The following PUM1 variants were observed in gnomAD, a reference collection of about 807,000 sequenced individuals.
The protein encoded by PUM1 is pumilio homolog 1.
PUM1 carries 13 observed loss-of-function variants against 131.8 expected under a neutral mutation model. That is an observed-to-expected ratio of 0.10 (90% CI 0.06 to 0.16). The LOEUF is 0.16. Among genes scored for constraint, PUM1 ranks in the 10% least tolerant of loss-of-function variants. The pLI is 1.00. For missense variants in PUM1, 961 were observed against 1,512.4 expected, an observed-to-expected ratio of 0.64 and a Z score of 6.05; for synonymous variants, 509 against 556.5, an observed-to-expected ratio of 0.91 and a Z score of 1.20.
intron 3 of PUM1, among the ~76,000 whole-genome samples, chr1:31,009,596 G>A (rs568202701): frequency 9.9e-5 from 15 of 151,802 alleles, no homozygotes; most frequent in African/African-American, 3.1e-4. Context: ...CAAGATCCCC[G>A]TCTCTACTAA....
At chr1:30,956,897 T>C (rs1640187043) in intron 14 of PUM1, among the ~76,000 whole-genome samples, 1 of 152,208 alleles carries the variant, frequency 6.6e-6, no homozygotes, top group Non-Finnish European at 1.5e-5. Context: ...AATGCACTTA[T>C]TGTTTAAGCC....
intron 2 of PUM1, among the ~76,000 whole-genome samples, chr1:31,042,796 G>T (rs564220993): frequency 3.9e-5 from 6 of 152,158 alleles, no homozygotes; most frequent in Non-Finnish European, 7.3e-5. Flanking sequence ...ACAGGGTCTC[G>T]CTCTGTTGCC....
chr1:31,006,063 G>GTTGTTT, intron 4 of PUM1, 32 bp from the exon 5 acceptor site: 1 of 1,514,478 alleles, frequency 6.6e-7, no homozygotes, highest in Non-Finnish European at 8.9e-7. Context: ...ATGATACAGT[G>GTTGTTT]CAGCCAGAGG....
At chr1:30,951,977 T>C (rs1639953643) in intron 16 of PUM1, among the ~76,000 whole-genome samples, 1 of 152,238 alleles carries the variant, frequency 6.6e-6, no homozygotes, top group Admixed American at 6.5e-5. Context: ...AATAATGTGC[T>C]GGGTCCTAAA....
At chr1:31,057,018 C>T (rs2124600566) in intron 2 of PUM1, among the ~76,000 whole-genome samples, 1 of 152,238 alleles carries the variant, frequency 6.6e-6, no homozygotes, top group East Asian at 1.9e-4. Flanking sequence ...GTCTCAAACT[C>T]CTTACCTCAG....
chr1:30,953,689 TA>T, intron 15 of PUM1, 24 bp downstream of exon 15: 1 of 1,611,828 alleles, frequency 6.2e-7, no homozygotes, highest in Non-Finnish European at 8.5e-7. Flanking sequence ...TCGGGTACCT[TA>T]AAGTGCCAAA....
chr1:30,981,589 CTCTT>C (rs377272099), intron 7 of PUM1, among the ~76,000 whole-genome samples, 184 bp from the exon 8 acceptor site: 1 of 152,156 alleles, frequency 6.6e-6, no homozygotes, highest in African/African-American at 2.4e-5. Flanking sequence ...CTCCCTGTCT[CTCTT>C]TCTTTACTTC....
At chr1:30,962,973 A>T (rs753236258) in intron 14 of PUM1, among the ~76,000 whole-genome samples, 12 of 152,176 alleles carry the variant, frequency 7.9e-5, no homozygotes, top group Non-Finnish European at 1.5e-4. Context: ...ATATTTCTGG[A>T]TTTGGTAATG....
chr1:30,995,577 ACT>A (rs1301371034), intron 5 of PUM1, among the ~76,000 whole-genome samples: 1 of 151,658 alleles, frequency 6.6e-6, no homozygotes, highest in Non-Finnish European at 1.5e-5. Context: ...CCCAAACCTA[ACT>A]CTGTATAATA....
At chr1:30,998,013 C>A (rs191504358) in intron 5 of PUM1, among the ~76,000 whole-genome samples, 22 of 152,286 alleles carry the variant, frequency 1.4e-4, no homozygotes, top group Non-Finnish European at 3.1e-4. Flanking sequence ...TACAAAATAC[C>A]GGGTTTTCTA....
At chr1:30,972,259 AAAAGAAAAGAAG>A in intron 10 of PUM1, among the ~76,000 whole-genome samples, 1 of 35,908 alleles carries the variant, frequency 2.8e-5, no homozygotes, top group Non-Finnish European at 5.4e-5. Context: ...TGTCAGAAAG[AAAAGAAAAGAAG>A]GGAAGGGAAG....
chr1:31,024,597 CACT>C (rs1240744776), intron 3 of PUM1, among the ~76,000 whole-genome samples: 3 of 152,124 alleles, frequency 2.0e-5, no homozygotes. Flanking sequence ...AGCTAGTATT[CACT>C]ACTATTTTAA....
intron 16 of PUM1, among the ~76,000 whole-genome samples, chr1:30,951,220 G>A (rs2124411264): frequency 6.6e-6 from 1 of 152,272 alleles, no homozygotes; most frequent in East Asian, 1.9e-4. Context: ...TGTACATTTT[G>A]TCACCCCAAG....
intron 10 of PUM1, among the ~76,000 whole-genome samples, 161 bp from the exon 11 acceptor site, chr1:30,968,653 A>C (rs369382465): frequency 6.6e-6 from 1 of 152,214 alleles, no homozygotes; most frequent in East Asian, 1.9e-4. Flanking sequence ...AATTAATAAC[A>C]TTTCATAGAG....
chr1:30,981,381 C>T lies in PUM1; in HGVS notation c.1183G>A (p.Ala395Thr), dbSNP rs966870608. 1.2e-6 allele frequency: 2 copies of T among 1,604,084 alleles called. No homozygotes were observed. Among genetic ancestry groups the T allele is most frequent in the African/African-American group, 2.7e-5 (2 of 74,734 alleles). The change falls in exon 8 of 22, where the codon GCT (alanine) becomes ACT (threonine). Residue 395 changes from alanine (A) to threonine (T), a missense_variant. Physicochemically the swap from Ala to Thr is moderately conservative, Grantham distance 58 (BLOSUM62 0). Transcript: ENST00000426105. ...TGAGCAGCTGTCAACTGCTGGACAG[C>T]AAGCGCATTAGGTCTTTGGAACAGC... ...QQLFQRPNALAVQQLTAAQQQ... is the reference protein window; with the variant it reads ...QQLFQRPNALTVQQLTAAQQQ...
intron 3 of PUM1, among the ~76,000 whole-genome samples, chr1:31,022,937 G>A (rs1309561594): frequency 6.6e-6 from 1 of 152,144 alleles, no homozygotes; most frequent in East Asian, 1.9e-4. Flanking sequence ...GGGAGGCAGA[G>A]GCAGGTGGAT....
At chr1:31,023,967 T>C (rs1643130563) in intron 3 of PUM1, among the ~76,000 whole-genome samples, 1 of 148,062 alleles carries the variant, frequency 6.8e-6, no homozygotes, top group Non-Finnish European at 1.5e-5. Context: ...TTACAAAATC[T>C]CTAAATCACA....
intron 10 of PUM1, among the ~76,000 whole-genome samples, chr1:30,971,862 A>G (rs552932128): frequency 6.6e-6 from 1 of 152,350 alleles, no homozygotes; most frequent in South Asian, 2.1e-4. Flanking sequence ...AAAACATGGT[A>G]ATTACTTTAG....
intron 18 of PUM1, among the ~76,000 whole-genome samples, chr1:30,944,507 A>G (rs532773767): frequency 2.4e-4 from 36 of 152,370 alleles, no homozygotes; most frequent in Middle Eastern, 3.4e-3. Flanking sequence ...TGGAAGCTGA[A>G]GCTAAGAAGA....
Sources: allele counts gnomAD v4.1 joint callset (sites outside exome capture counted in the v4.1 genomes callset), GRCh38; gene constraint gnomAD v4.1.1; transcripts MANE v1.5; gene names NCBI Gene and HGNC (gene_info 2026-07-23, HGNC 2026-07-21).